Variants in AKAP13 observed in about 807,000 individuals in gnomAD.
AKAP13 encodes A-kinase anchoring protein 13, also known as A-kinase anchor protein 13.
Under a neutral mutation model 264.5 loss-of-function variants are expected in AKAP13, and 80 were observed. The observed-to-expected ratio is 0.30, with a 90% confidence interval of 0.25 to 0.36. The LOEUF is 0.36. Among genes scored for constraint, AKAP13 ranks in the 10% least tolerant of loss-of-function variants. The probability of loss-of-function intolerance (pLI) is 1.00; values close to 1 mark genes in which losing one functional copy is unlikely to be tolerated. For synonymous variants in AKAP13, 1,380 were observed against 1,250.2 expected, an observed-to-expected ratio of 1.10 and a Z score of -2.19; for missense variants, 3,712 against 3,435.2, an observed-to-expected ratio of 1.08 and a Z score of -2.01.
chr15:85,718,898 T>TA lies in AKAP13; in HGVS notation c.6002-168dup, dbSNP rs3833025. On this transcript the variant is annotated intron_variant, in intron 22 of 36. Transcript: ENST00000394518. This position sits in a 1 kb window ranked among gnomAD's most constrained non-coding sequence, Gnocchi z 4.9. ...TGGGTGACAGAGCCAGAACCTGTCT[T>TA]AAAAAAAAAACAAAAAAACAAAAAA... The TA allele has an allele frequency of 0.2, 141,592 of 707,344 alleles. 6,916 individuals carry two copies. The highest frequency in any genetic ancestry group is 0.22 in the Non-Finnish European group (105,808 of 472,680). The allele number at this position is 707,344 out of a possible 1,614,324, so 43.8% of individuals were successfully genotyped here.
rs1458400685 is a variant in AKAP13 at position 85,537,886 on chromosome 15, A to G, written c.478+4006A>G. Among the ~76,000 whole-genome samples the G allele has an allele frequency of 2.0e-5, 3 of 152,226 alleles. No individual in the cohort carries two copies. The East Asian group carries it at 5.8e-4, about 29-fold the overall frequency. On this transcript the variant is annotated intron_variant, in intron 4 of 36. Coordinates refer to ENST00000394518, the MANE Select transcript of AKAP13 (RefSeq NM_007200.5). The stretch of plus-strand genomic sequence containing the variant: ...TTACAAAAATTAATCTTCACTTTAA[A>G]TATGAACAGGAGGGAGTTTGTCCTT...
At chr15:85,391,333 C>T (rs912886446) in intron 1 of AKAP13, among the ~76,000 whole-genome samples, 6 of 152,116 alleles carry the variant, frequency 3.9e-5, no homozygotes, top group Admixed American at 2.0e-4. Flanking sequence ...AAGATAATGA[C>T]GTTTTTATGT....
chr15:85,583,625 G>A (rs901536053), intron 7 of AKAP13, among the ~76,000 whole-genome samples: 3 of 152,146 alleles, frequency 2.0e-5, no homozygotes, highest in African/African-American at 7.2e-5. Context: ...TTTCATTTCG[G>A]TGCTGCGTCC....
At chr15:85,484,986 A>C (rs2075485933) in intron 1 of AKAP13, among the ~76,000 whole-genome samples, 1 of 152,164 alleles carries the variant, frequency 6.6e-6, no homozygotes, top group Non-Finnish European at 1.5e-5. Context: ...CTTTATACTC[A>C]AACTCAGGGT....
chr15:85,702,622 G>C (rs2151671565), intron 17 of AKAP13: 1 of 152,282 alleles, frequency 6.6e-6, no homozygotes, highest in East Asian at 1.9e-4. Flanking sequence ...CCTGGATAGA[G>C]CTTCATACCC....
At position 85,743,840 on chromosome 15, in the gene AKAP13, C is replaced by T. The variant is rs1474988175; in HGVS notation, c.8392+15C>T. 2 of 1,594,290 alleles carry T rather than the reference C, an allele frequency of 1.3e-6. No individual in the cohort carries two copies. The highest frequency in any genetic ancestry group is 2.2e-5 in the East Asian group (1 of 44,732). ...TCAGCCCGGTGGTGAGTCACGCACA[C>T]CTGCTCTCCCTGTGGCCATAGTGTC... On this transcript the variant is annotated intron_variant, in intron 36 of 36. Transcript: ENST00000394518.
intron 1 of AKAP13, among the ~76,000 whole-genome samples, chr15:85,445,344 C>A (rs1199465411): frequency 6.6e-6 from 1 of 152,144 alleles, no homozygotes; most frequent in African/African-American, 2.4e-5. Context: ...GAGTTACAGG[C>A]TTTGATGGTA....
chr15:85,547,123 C>T (rs546372051), intron 5 of AKAP13, among the ~76,000 whole-genome samples: 1 of 152,282 alleles, frequency 6.6e-6, no homozygotes, highest in Admixed American at 6.5e-5. Flanking sequence ...TATAAGCCGG[C>T]CTCTTTTATT....
intron 1 of AKAP13, among the ~76,000 whole-genome samples, chr15:85,385,062 C>T (rs1258660151): frequency 6.6e-6 from 1 of 152,176 alleles, no homozygotes; most frequent in Non-Finnish European, 1.5e-5. Context: ...TCTGTAAGCT[C>T]TTCTCTGGCT....
At chr15:85,407,532 G>A (rs2071733340) in intron 1 of AKAP13, among the ~76,000 whole-genome samples, 1 of 151,714 alleles carries the variant, frequency 6.6e-6, no homozygotes, top group African/African-American at 2.4e-5. Context: ...GAGCCATCGT[G>A]CCCGGCCTGT....
In AKAP13 at chr15:85,745,436, C is replaced by T. The variant is rs1046493399; in HGVS notation, c.*759C>T. 3.3e-5 allele frequency: 5 copies of T among 152,172 alleles called. No homozygotes were observed. The highest frequency in any genetic ancestry group is 1.2e-4 in the African/African-American group (5 of 41,448). The allele number at this position is 152,172 out of a possible 1,614,324, so 9.4% of individuals were successfully genotyped here. A position where few individuals can be genotyped will look rare whatever the true frequency, so the allele number is the denominator to read the frequency against. ...AAAGCAACAAAACAACCCATAGTAT[C>T]TCATTCTGTCATCAGATCCAGAAGA... On this transcript the variant is annotated 3_prime_UTR_variant, in exon 37 of 37. Coordinates refer to ENST00000394518, the MANE Select transcript of AKAP13 (RefSeq NM_007200.5).
rs71468134 is a variant in AKAP13, at chr15:85,730,997, CTTTTTTTTTTTTTTT to C, written c.7282+300_7282+314del. ...ACTGTTTTTTAATTAGTCACTTATG[CTTTTTTTTTTTTTTT>C]TTTTTTTTTGGCAGGATCTTGCTGC... On this transcript the variant is annotated intron_variant, in intron 30 of 36. Transcript: ENST00000394518. Among the ~76,000 whole-genome samples, 3 of 57,422 alleles carry C rather than the reference CTTTTTTTTTTTTTTT, an allele frequency of 5.2e-5. 1 individual carries two copies. Among genetic ancestry groups the C allele is most frequent in the South Asian group, 1.7e-3 (2 of 1,178 alleles). 37.7% of individuals were successfully genotyped at this position (57,422 alleles called of 152,430 possible).
At chr15:85,386,564 C>T (rs1223523252) in intron 1 of AKAP13, among the ~76,000 whole-genome samples, 1 of 152,220 alleles carries the variant, frequency 6.6e-6, no homozygotes, top group Non-Finnish European at 1.5e-5. Context: ...GCTGGGATTA[C>T]AGGCGTGAGC....
rs575490897 is a variant in AKAP13, at chr15:85,685,659, A to G, written c.5289+786A>G. Reference sequence around the variant, plus strand: ...TCATGTTGTGCCATCGTGCTGAGCTATGTTTAAATTTGTTTGTAAAGATGA... The same window carrying G: ...TCATGTTGTGCCATCGTGCTGAGCTGTGTTTAAATTTGTTTGTAAAGATGA... On this transcript the variant is annotated intron_variant, in intron 16 of 36. Transcript: ENST00000394518. Among the ~76,000 whole-genome samples, 4 of 152,166 alleles carry G rather than the reference A, an allele frequency of 2.6e-5. No homozygotes were observed. The East Asian group carries it at 7.7e-4, about 29-fold the overall frequency.
At chr15:85,666,894 T>G (rs1028500860) in intron 13 of AKAP13, among the ~76,000 whole-genome samples, 2 of 152,234 alleles carry the variant, frequency 1.3e-5, no homozygotes, top group African/African-American at 4.8e-5. Flanking sequence ...TGGGGAGCTT[T>G]TGAGTTGAGA....
At chr15:85,498,197 G>GATAC in intron 2 of AKAP13, among the ~76,000 whole-genome samples, 1 of 30,088 alleles carries the variant, frequency 3.3e-5, no homozygotes, top group East Asian at 6.3e-4. Flanking sequence ...TAAATGAAGT[G>GATAC]AGATATATAT....
intron 16 of AKAP13, among the ~76,000 whole-genome samples, chr15:85,686,921 T>C (rs2084965884): frequency 6.6e-6 from 1 of 152,230 alleles, no homozygotes. Context: ...TCATTGTTTT[T>C]TATTTTGCTT....
chr15:85,582,951 A>G, intron 7 of AKAP13: 1 of 985,448 alleles, frequency 1.0e-6, no homozygotes, highest in Non-Finnish European at 1.2e-6. Context: ...CCATGTTCCG[A>G]GGCAGCAAAG....
chr15:85,743,062 G>A (rs886848714), intron 35 of AKAP13, among the ~76,000 whole-genome samples: 4 of 151,988 alleles, frequency 2.6e-5, no homozygotes, highest in Non-Finnish European at 4.4e-5. Flanking sequence ...GTGTAAGCTC[G>A]GCTTTTCCAC....
Sources: allele counts gnomAD v4.1 joint callset (sites outside exome capture counted in the v4.1 genomes callset), GRCh38; gene constraint gnomAD v4.1.1; non-coding constraint Gnocchi (gnomAD v3.1); transcripts MANE v1.5; gene names NCBI Gene and HGNC (gene_info 2026-07-23, HGNC 2026-07-21).